Variants in CCDC7 observed in about 807,000 individuals in gnomAD.
CCDC7 encodes coiled-coil domain-containing protein 7.
A neutral mutation model predicts 196.9 loss-of-function variants in CCDC7; 183 were observed. The observed-to-expected ratio is 0.93, with a 90% confidence interval of 0.82 to 1.05. CCDC7 has a LOEUF of 1.05. Among genes scored for constraint, CCDC7 ranks in the 50% least tolerant of loss-of-function variants. CCDC7 has a pLI of 0.00. For missense variants in CCDC7, 1,540 were observed against 1,482.2 expected (o/e 1.04, Z -0.64); for synonymous variants, 525 against 484.6 (o/e 1.08, Z -1.10).
At chr10:32,523,933 T>G (rs189679399) in intron 11 of CCDC7, among the ~76,000 whole-genome samples, 1 of 152,080 alleles carries the variant, frequency 6.6e-6, no homozygotes, top group Admixed American at 6.5e-5. Context: ...TTTAATCCAT[T>G]CAGCCATCAC....
chr10:32,822,207 A>G (rs73255999), intron 31 of CCDC7, among the ~76,000 whole-genome samples: 6,948 of 152,310 alleles, frequency 0.046, 537 homozygotes, highest in African/African-American at 0.16. Flanking sequence ...GTTAAATGTT[A>G]TAATTGCAAA....
chr10:32,833,063 T>C (rs1403872780), intron 32 of CCDC7, among the ~76,000 whole-genome samples: 1 of 152,128 alleles, frequency 6.6e-6, no homozygotes, highest in Non-Finnish European at 1.5e-5. Context: ...TATAAATATG[T>C]ACTTGTTCTT....
chr10:32,490,435 TC>T (rs1350421500), intron 8 of CCDC7, among the ~76,000 whole-genome samples: 1 of 152,214 alleles, frequency 6.6e-6, no homozygotes, highest in African/African-American at 2.4e-5. Context: ...TTCCTTGTAG[TC>T]CTTTACCATA....
chr10:32,510,441 A>C (rs2045930307), intron 9 of CCDC7, among the ~76,000 whole-genome samples: 1 of 152,210 alleles, frequency 6.6e-6, no homozygotes, highest in African/African-American at 2.4e-5. Context: ...AATTTTTCTT[A>C]ATAGCAACAG....
chr10:32,557,039 G>T (rs957032350), intron 13 of CCDC7, among the ~76,000 whole-genome samples: 1 of 152,112 alleles, frequency 6.6e-6, no homozygotes, highest in Non-Finnish European at 1.5e-5. Flanking sequence ...CCATTATCAC[G>T]TGCTTTTGTT....
At chr10:32,740,868 T>G in intron 28 of CCDC7, among the ~76,000 whole-genome samples, 1 of 152,082 alleles carries the variant, frequency 6.6e-6, no homozygotes, top group Admixed American at 6.5e-5. Context: ...TCATTTCTTT[T>G]TCTTTCTTAA....
intron 20 of CCDC7, among the ~76,000 whole-genome samples, chr10:32,653,074 C>T (rs553877136): frequency 6.6e-6 from 1 of 152,298 alleles, no homozygotes; most frequent in South Asian, 2.1e-4. Flanking sequence ...GTTGAATACA[C>T]TATTTTAGGT....
intron 28 of CCDC7, among the ~76,000 whole-genome samples, chr10:32,734,360 A>G (rs1411610918): frequency 6.6e-6 from 1 of 152,204 alleles, no homozygotes; most frequent in South Asian, 2.1e-4. Context: ...CAAATACTGC[A>G]TGTTCTCACT....
At chr10:32,518,326 G>T in intron 10 of CCDC7, 90 bp from the exon 12 acceptor site, 1 of 1,320,316 alleles carries the variant, frequency 7.6e-7, no homozygotes, top group South Asian at 1.7e-5. Context: ...AGTTAATGAA[G>T]ACTTTCTTAC....
At chr10:32,824,537 T>C (rs201372629) in exon 32 of CCDC7, 2 of 1,610,004 alleles carry the variant, frequency 1.2e-6, no homozygotes, top group Admixed American at 1.7e-5. Context: ...AACGATTGCA[T>C]AGTACAACTG....
At chr10:32,820,181 A>G (rs7474556) in intron 31 of CCDC7, among the ~76,000 whole-genome samples, 140,507 of 152,138 alleles carry the variant, frequency 0.92, 65,855 homozygotes, top group East Asian at 1. Flanking sequence ...AACAGACAGA[A>G]AGCCAAATCA....
At chr10:32,530,832 G>T (rs12358659) in intron 11 of CCDC7, among the ~76,000 whole-genome samples, 20,987 of 151,986 alleles carry the variant, frequency 0.14, 1,751 homozygotes, top group East Asian at 0.25. Context: ...TCCTTGTCTT[G>T]TTCCAGTCCT....
chr10:32,522,706 G>C (rs932474776), intron 11 of CCDC7, among the ~76,000 whole-genome samples: 11 of 151,576 alleles, frequency 7.3e-5, no homozygotes, highest in African/African-American at 2.2e-4. Context: ...ACTAATTTTG[G>C]GTTTGGTTTG....
At chr10:32,667,799 G>A (rs906591964) in intron 21 of CCDC7, among the ~76,000 whole-genome samples, 8 of 152,140 alleles carry the variant, frequency 5.3e-5, no homozygotes, top group African/African-American at 1.9e-4. Flanking sequence ...AAGTCAGGTA[G>A]CGTGATGCCT....
intron 24 of CCDC7, among the ~76,000 whole-genome samples, chr10:32,698,801 C>T (rs1016128326): frequency 6.6e-6 from 1 of 152,204 alleles, no homozygotes; most frequent in Non-Finnish European, 1.5e-5. Flanking sequence ...TGAAGGAGAA[C>T]TTCCCCAACC....
At chr10:32,479,454 T>C (rs1191279614) in intron 8 of CCDC7, among the ~76,000 whole-genome samples, 1 of 152,220 alleles carries the variant, frequency 6.6e-6, no homozygotes, top group Non-Finnish European at 1.5e-5. Context: ...TTTTTCCCCA[T>C]ATATTGAGGC....
At chr10:32,680,059 T>C (rs1226001487) in intron 21 of CCDC7, among the ~76,000 whole-genome samples, 1 of 152,174 alleles carries the variant, frequency 6.6e-6, no homozygotes, top group Admixed American at 6.5e-5. Context: ...AAATCTTTTA[T>C]TGATCCAAGG....
chr10:32,787,100 G>T (rs1431376489), intron 29 of CCDC7, among the ~76,000 whole-genome samples: 2 of 152,068 alleles, frequency 1.3e-5, no homozygotes, highest in South Asian at 2.1e-4. Flanking sequence ...CATTATGTGG[G>T]TATCAGAAGG....
At chr10:32,743,677 GAC>G (rs1351523681) in intron 28 of CCDC7, among the ~76,000 whole-genome samples, 1 of 152,070 alleles carries the variant, frequency 6.6e-6, no homozygotes, top group Non-Finnish European at 1.5e-5. Context: ...CTGCTATAAA[GAC>G]ACATGCACAC....
Sources: gnomAD v4.1 joint callset for allele counts (sites outside exome capture counted in the v4.1 genomes callset) on GRCh38, gnomAD v4.1.1 for gene constraint, MANE v1.5 for transcripts, NCBI Gene and HGNC (gene_info 2026-07-23, HGNC 2026-07-21) for gene names.